The following SLC36A1 variants were observed in gnomAD, a reference collection of about 807,000 sequenced individuals.
SLC36A1 encodes proton-coupled amino acid transporter 1.
SLC36A1 carries 30 observed loss-of-function variants against 47.5 expected under a neutral mutation model. That is an observed-to-expected ratio of 0.63 (90% CI 0.47 to 0.86). The LOEUF is 0.86. Ranked by LOEUF, SLC36A1 falls within the 40% of genes least tolerant of loss-of-function variation. The pLI is 0.00. For synonymous variants in SLC36A1, 255 were observed against 249.7 expected, an observed-to-expected ratio of 1.02 and a Z score of -0.20; for missense variants, 517 against 606.0, an observed-to-expected ratio of 0.85 and a Z score of 1.54.
chr5:151,425,964 CTCTATCTATCTA>C, the SLC36A1 span, among the ~76,000 whole-genome samples: 51 of 148,052 alleles, frequency 3.4e-4, no homozygotes, highest in Non-Finnish European at 5.2e-4. Flanking sequence ...CTCTCTCTCC[CTCTATCTATCTA>C]TCTATCTATC....
Position 151,455,668 on chromosome 5 carries a change from A to C in SLC36A1, c.-5-3120A>C, listed in dbSNP as rs192673568. 4.0e-4 allele frequency among the ~76,000 whole-genome samples: 61 copies of C among 152,358 alleles called. 1 individual carries two copies. Among genetic ancestry groups the C allele is most frequent in the African/African-American group, 1.3e-3 (53 of 41,578 alleles). Reference sequence around the variant, plus strand: ...TCAACCTAAAGGAAGAAGTTGAGACACAAAATGCAATTTTTAACAGTTTAC... The same window carrying C: ...TCAACCTAAAGGAAGAAGTTGAGACCCAAAATGCAATTTTTAACAGTTTAC... On this transcript the variant is annotated intron_variant, in intron 1 of 10. Coordinates refer to ENST00000243389, the MANE Select transcript of SLC36A1 (RefSeq NM_078483.4).
the SLC36A1 span, among the ~76,000 whole-genome samples, chr5:151,530,831 G>A: frequency 2.0e-5 from 3 of 152,218 alleles, no homozygotes; most frequent in Non-Finnish European, 4.4e-5. Flanking sequence ...GGTCTCTGCA[G>A]ATGATTACTG....
At chr5:151,380,896 G>A in the SLC36A1 span, 1 of 417,012 alleles carries the variant, frequency 2.4e-6, no homozygotes, top group Non-Finnish European at 4.8e-6. Flanking sequence ...AAGGGACGGG[G>A]CTGCACCTGA....
chr5:151,465,762 G>A (rs1203494846), intron 5 of SLC36A1, among the ~76,000 whole-genome samples: 1 of 152,258 alleles, frequency 6.6e-6, no homozygotes, highest in East Asian at 1.9e-4. Context: ...ATGAGAGATA[G>A]GAGCAAAGAA....
At chr5:151,351,113 A>G in the SLC36A1 span, among the ~76,000 whole-genome samples, 1 of 152,208 alleles carries the variant, frequency 6.6e-6, no homozygotes, top group Non-Finnish European at 1.5e-5. Context: ...TGCCTGAGTC[A>G]CAGTCAGTGC....
chr5:151,478,223 G>C (rs541645854), intron 9 of SLC36A1, among the ~76,000 whole-genome samples: 2 of 152,288 alleles, frequency 1.3e-5, no homozygotes, highest in African/African-American at 4.8e-5. Context: ...CATTTAAATA[G>C]ATTTCCGACA....
At chr5:151,399,084 A>ATATATATTTTTTT in the SLC36A1 span, among the ~76,000 whole-genome samples, 41 of 60,028 alleles carry the variant, frequency 6.8e-4, no homozygotes, top group Non-Finnish European at 1.3e-3. Flanking sequence ...ATATATATAT[A>ATATATATTTTTTT]TTTTTTTTTT....
At chr5:151,513,036 T>G in the SLC36A1 span, among the ~76,000 whole-genome samples, 1 of 152,238 alleles carries the variant, frequency 6.6e-6, no homozygotes, top group Admixed American at 6.5e-5. Flanking sequence ...CAAGACCTTT[T>G]CAGGGAAGCC....
chr5:151,514,429 C>T, the SLC36A1 span, among the ~76,000 whole-genome samples: 1 of 152,320 alleles, frequency 6.6e-6, no homozygotes, highest in Non-Finnish European at 1.5e-5. Flanking sequence ...CTTGACCTAT[C>T]TCTTTCTTAC....
the SLC36A1 span, among the ~76,000 whole-genome samples, chr5:151,391,163 T>G: frequency 6.6e-6 from 1 of 152,110 alleles, no homozygotes; most frequent in Non-Finnish European, 1.5e-5. Flanking sequence ...TTATTCTCTT[T>G]GAAGCAATTG....
the SLC36A1 span, among the ~76,000 whole-genome samples, chr5:151,551,098 C>T: frequency 6.6e-6 from 1 of 152,096 alleles, no homozygotes; most frequent in African/African-American, 2.4e-5. Flanking sequence ...AGGGCCTTTC[C>T]ATCAAGTGAA....
At chr5:151,544,106 C>T in the SLC36A1 span, 6 of 1,614,196 alleles carry the variant, frequency 3.7e-6, no homozygotes, top group Non-Finnish European at 5.1e-6. Flanking sequence ...TGTTGTTGGG[C>T]TTCATAATCC....
chr5:151,542,847 G>C, the SLC36A1 span: 1 of 1,614,190 alleles, frequency 6.2e-7, no homozygotes, highest in Non-Finnish European at 8.5e-7. Context: ...GGTACAATTT[G>C]GTGGATTCGT....
chr5:151,427,598 T>C, the SLC36A1 span, among the ~76,000 whole-genome samples: 989 of 152,218 alleles, frequency 6.5e-3, 15 homozygotes, highest in East Asian at 0.027. Context: ...GGAAACTATG[T>C]CTTAGGAGTA....
chr5:151,536,940 T>A, the SLC36A1 span, among the ~76,000 whole-genome samples: 1 of 152,204 alleles, frequency 6.6e-6, no homozygotes, highest in Non-Finnish European at 1.5e-5. Context: ...CCTCAGTGTG[T>A]GTACTATTTC....
At chr5:151,537,995 G>C in the SLC36A1 span, 1 of 1,560,386 alleles carries the variant, frequency 6.4e-7, no homozygotes, top group Non-Finnish European at 8.8e-7. Flanking sequence ...ACTGCATTCA[G>C]ATCCAGAGAG....
chr5:151,416,616 G>A, the SLC36A1 span, among the ~76,000 whole-genome samples: 2 of 151,858 alleles, frequency 1.3e-5, no homozygotes, highest in Non-Finnish European at 2.9e-5. Context: ...AAGAAGAGCT[G>A]TTGAAGAAAA....
At chr5:151,510,004 G>T in the SLC36A1 span, 2 of 1,613,222 alleles carry the variant, frequency 1.2e-6, no homozygotes, top group South Asian at 2.2e-5. Flanking sequence ...ATGGCAGGTG[G>T]CCTCTCCTGG....
chr5:151,398,168 A>C, the SLC36A1 span, among the ~76,000 whole-genome samples: 14 of 152,270 alleles, frequency 9.2e-5, no homozygotes, highest in Admixed American at 8.5e-4. Context: ...CGCAGCAACC[A>C]TTGCCCCTTG....
Sources: gnomAD v4.1 joint callset for allele counts (sites outside exome capture counted in the v4.1 genomes callset) on GRCh38, gnomAD v4.1.1 for gene constraint, MANE v1.5 for transcripts, NCBI Gene and HGNC (gene_info 2026-07-23, HGNC 2026-07-21) for gene names.